The following HDAC4 variants were observed in gnomAD, a reference collection of about 807,000 sequenced individuals.
The protein encoded by HDAC4 is histone deacetylase 4.
HDAC4 carries 16 observed loss-of-function variants against 135.1 expected under a neutral mutation model. The observed-to-expected ratio is 0.12, with a 90% CI of 0.08 to 0.18. HDAC4 has a LOEUF of 0.18. Among genes scored for constraint, HDAC4 ranks in the 10% least tolerant of loss-of-function variants. The pLI is 1.00. For missense variants in HDAC4, 1,143 were observed against 1,511.8 expected (o/e 0.76, Z 4.05); for synonymous variants, 685 against 653.4 (o/e 1.05, Z -0.74).
intron 1 of HDAC4, among the ~76,000 whole-genome samples, chr2:239,392,851 C>A (rs1575805209): frequency 6.6e-6 from 1 of 152,212 alleles, no homozygotes; most frequent in Non-Finnish European, 1.5e-5. Context: ...GCCAGCAAGG[C>A]CCCTGCAGAT....
chr2:239,144,305 G>A (rs10208676), intron 8 of HDAC4, among the ~76,000 whole-genome samples: 298 of 152,280 alleles, frequency 2.0e-3, no homozygotes, highest in African/African-American at 7.0e-3. Flanking sequence ...TGCATCTCCC[G>A]CAGTGCCAAG....
intron 2 of HDAC4, among the ~76,000 whole-genome samples, chr2:239,328,758 G>A (rs1416221270): frequency 3.9e-5 from 6 of 152,168 alleles, no homozygotes; most frequent in African/African-American, 9.7e-5. Context: ...CCTCTCGGGC[G>A]CCCGCTGGCC....
intron 3 of HDAC4, among the ~76,000 whole-genome samples, chr2:239,235,214 G>A (rs2047816661): frequency 6.6e-6 from 1 of 152,120 alleles, no homozygotes; most frequent in Admixed American, 6.5e-5. Flanking sequence ...AAGAGGCCAG[G>A]GGACCGTACC....
chr2:239,325,536 T>C (rs1048567993), intron 2 of HDAC4, among the ~76,000 whole-genome samples: 12 of 152,198 alleles, frequency 7.9e-5, no homozygotes, highest in Non-Finnish European at 1.6e-4. Context: ...TCACACTCAC[T>C]AGGATGACTA....
chr2:239,053,441 C>T lies in HDAC4; in HGVS notation c.3230+19G>A, dbSNP rs778378070. The T allele has an allele frequency of 2.9e-5, 47 of 1,609,226 alleles. No homozygotes were observed. Among genetic ancestry groups the T allele is most frequent in the African/African-American group, 2.5e-4 (19 of 74,850 alleles). ...GGGGCTGGGTGAGCCTGCAGGCGGGCGGCAGGGCAGGTGCTCACCTCTTTT... is the reference window on the plus strand; with the variant it reads ...GGGGCTGGGTGAGCCTGCAGGCGGGTGGCAGGGCAGGTGCTCACCTCTTTT... On this transcript the variant is annotated intron_variant, in intron 26 of 26. Transcript: ENST00000543185.
At chr2:239,250,205 C>A (rs1185333446) in intron 2 of HDAC4, among the ~76,000 whole-genome samples, 1 of 152,250 alleles carries the variant, frequency 6.6e-6, no homozygotes, top group Non-Finnish European at 1.5e-5. Context: ...TATCAGGAGA[C>A]ACGTGTGGTC....
chr2:239,389,130 C>G (rs1385116140), intron 1 of HDAC4, among the ~76,000 whole-genome samples: 2 of 152,086 alleles, frequency 1.3e-5, no homozygotes, highest in Non-Finnish European at 2.9e-5. Context: ...CCAATCAGCA[C>G]TCTGTGTCTA....
At chr2:239,171,169 C>CAAAAAAAAAAAAAAAAAAAAAAAAAAA (rs34204026) in intron 5 of HDAC4, among the ~76,000 whole-genome samples, 3 of 114,384 alleles carry the variant, frequency 2.6e-5, no homozygotes, top group South Asian at 2.9e-4. Context: ...ACAATCTGAC[C>CAAAAAAAAAAAAAAAAAAAAAAAAAAA]AAAAAAAAAA....
chr2:239,108,781 A>C (rs2038391121), intron 14 of HDAC4, among the ~76,000 whole-genome samples: 1 of 152,206 alleles, frequency 6.6e-6, no homozygotes, highest in African/African-American at 2.4e-5. Flanking sequence ...ACACAGGTCT[A>C]CTTAACCTCT....
intron 1 of HDAC4, among the ~76,000 whole-genome samples, chr2:239,373,362 G>A (rs185379041): frequency 1.5e-4 from 23 of 152,236 alleles, no homozygotes; most frequent in African/African-American, 4.6e-4. Flanking sequence ...TGTCTGCAAC[G>A]ACCCCTCTTC....
At chr2:239,111,742 T>G (rs1575067024) in intron 13 of HDAC4, 30 bp from the exon 14 acceptor site, 2 of 1,563,328 alleles carry the variant, frequency 1.3e-6, no homozygotes, top group Admixed American at 3.7e-5. Context: ...GTGTTGGCGG[T>G]TGCGGATGTC....
At chr2:239,282,672 T>C (rs1209498900) in intron 2 of HDAC4, among the ~76,000 whole-genome samples, 2 of 144,994 alleles carry the variant, frequency 1.4e-5, no homozygotes, top group East Asian at 2.1e-4. Context: ...CACTCTACAA[T>C]GTACACACCA....
chr2:239,159,309 A>G (rs774841480), intron 6 of HDAC4, among the ~76,000 whole-genome samples: 6 of 139,070 alleles, frequency 4.3e-5, no homozygotes, highest in Non-Finnish European at 7.8e-5. Flanking sequence ...ACGCCCAACT[A>G]CACTCACACC....
intron 23 of HDAC4, chr2:239,067,092 C>A: frequency 1.7e-6 from 1 of 600,100 alleles, no homozygotes; most frequent in Non-Finnish European, 3.0e-6. Flanking sequence ...AGCAAATCAT[C>A]TGCTTTAGGG....
chr2:239,381,765 A>G (rs1392378121), intron 1 of HDAC4, among the ~76,000 whole-genome samples: 1 of 152,192 alleles, frequency 6.6e-6, no homozygotes. Flanking sequence ...CTGGCTTCAA[A>G]CTACTACAGG....
chr2:239,206,250 C>T (rs1238155670), intron 3 of HDAC4, among the ~76,000 whole-genome samples: 1 of 152,102 alleles, frequency 6.6e-6, no homozygotes, highest in Non-Finnish European at 1.5e-5. Flanking sequence ...ATGGCCTGAG[C>T]GTGGGAGGCA....
At chr2:239,065,972 T>A (rs1425605418) in intron 24 of HDAC4, among the ~76,000 whole-genome samples, 1 of 152,162 alleles carries the variant, frequency 6.6e-6, no homozygotes, top group East Asian at 1.9e-4. Context: ...CCACTTTGTG[T>A]CACACACTTC....
intron 3 of HDAC4, among the ~76,000 whole-genome samples, chr2:239,227,679 G>A (rs541795838): frequency 7.0e-4 from 106 of 152,318 alleles, no homozygotes; most frequent in African/African-American, 2.5e-3. Context: ...TCCAGGACAG[G>A]AGGGCATGCC....
rs116793290 is a variant in HDAC4 at position 239,126,501 on chromosome 2, C to G, written c.1488G>C (p.Glu496Asp). The change falls in exon 12 of 27, where the codon GAG becomes GAC. Residue 496 changes from glutamate (E) to aspartate (D), a missense_variant. Around this residue, in one of 9 missense-constraint regions of HDAC4, gnomAD observed 7 missense variants for 30.5 expected, o/e 0.23. Coordinates refer to ENST00000543185, the MANE Select transcript of HDAC4 (RefSeq NM_001378414.1). ...GCTGCTGGAACTGCTGCTTGTGTTT[C>G]TCCAGAAACTGCTGATGCTGCTGCT... ...VIQQQHQQFL[E>D]KHKQQFQQQQ... The G allele has an allele frequency of 6.2e-7, 1 of 1,613,654 alleles. No individual in the cohort carries two copies. The highest frequency in any genetic ancestry group is 2.2e-5 in the East Asian group (1 of 44,876).
Sources: gnomAD v4.1 joint callset for allele counts (sites outside exome capture counted in the v4.1 genomes callset) on GRCh38, gnomAD v4.1.1 for gene constraint, gnomAD v4.1.1 regional missense constraint, MANE v1.5 for transcripts, NCBI Gene and HGNC (gene_info 2026-07-23, HGNC 2026-07-21) for gene names.